GRID1: variants seen among roughly 807,000 people sequenced by gnomAD.
GRID1 encodes glutamate receptor ionotropic, delta-1.
In GRID1, 28 loss-of-function variants were observed where a neutral mutation model predicts 98.0. That is an observed-to-expected ratio of 0.29 (90% CI 0.21 to 0.39). The LOEUF (loss-of-function observed/expected upper bound fraction) is 0.39. GRID1 is among the 10% of genes least tolerant of loss of function. The pLI, the probability that GRID1 is intolerant of heterozygous loss-of-function variation, is 1.00. For missense variants in GRID1, 1,111 were observed against 1,340.5 expected (o/e 0.83, Z 2.67); for synonymous variants, 553 against 538.5 (o/e 1.03, Z -0.37).
chr10:85,828,846 T>G (rs1842842877), intron 8 of GRID1, among the ~76,000 whole-genome samples: 1 of 152,034 alleles, frequency 6.6e-6, no homozygotes, highest in Admixed American at 6.6e-5. Flanking sequence ...AGCCCAGGAC[T>G]AGATGGATTA....
chr10:85,860,928 TG>T (rs1843158381), intron 6 of GRID1, among the ~76,000 whole-genome samples: 3 of 152,194 alleles, frequency 2.0e-5, no homozygotes, highest in Non-Finnish European at 2.9e-5. Context: ...TACCCACCTG[TG>T]GAATGCAGAT....
intron 13 of GRID1, 63 bp downstream of exon 13, chr10:85,647,139 T>C (rs1843204519): frequency 7.4e-7 from 1 of 1,353,980 alleles, no homozygotes; most frequent in Non-Finnish European, 1.1e-6. Flanking sequence ...GTCTCCCACC[T>C]GGGGGCTGAC....
intron 4 of GRID1, among the ~76,000 whole-genome samples, chr10:86,023,550 C>G (rs1245461210): frequency 6.6e-6 from 1 of 152,152 alleles, no homozygotes; most frequent in Non-Finnish European, 1.5e-5. Flanking sequence ...CCTGTCCAGA[C>G]CCCTCTCTTG....
intron 2 of GRID1, among the ~76,000 whole-genome samples, chr10:86,273,483 T>G (rs1175399830): frequency 6.0e-5 from 9 of 150,198 alleles, no homozygotes; most frequent in South Asian, 2.1e-4. Context: ...CTGAGGAATC[T>G]CCACACTGAC....
In GRID1 at chr10:86,365,990, C is replaced by G. The variant is rs1029500859; in HGVS notation, c.79+324G>C. Among the ~76,000 whole-genome samples the G allele has an allele frequency of 6.6e-6, 1 of 152,126 alleles. No homozygotes were observed. Among genetic ancestry groups the G allele is most frequent in the Non-Finnish European group, 1.5e-5 (1 of 67,994 alleles). The stretch of plus-strand genomic sequence containing the variant: ...GCTGCTCTGAGCTGCGCAGAAGGGC[C>G]CTCCCGACCCGCCGACGGCCCCGCT... On this transcript the variant is annotated intron_variant, in intron 1 of 15. Coordinates refer to ENST00000327946, the MANE Select transcript of GRID1 (RefSeq NM_017551.3). The surrounding 1 kb of genome is among the most constrained non-coding windows in gnomAD (Gnocchi z 4.8).
At position 85,834,509 on chromosome 10, in the gene GRID1, G is replaced by GAAGT. The variant is rs143680554; in HGVS notation, c.1233+19983_1233+19986dup. 5.7e-3 allele frequency among the ~76,000 whole-genome samples: 870 copies of GAAGT among 152,238 alleles called. 8 individuals are homozygous for GAAGT. Among genetic ancestry groups the GAAGT allele is most frequent in the African/African-American group, 0.02 (818 of 41,552 alleles). On this transcript the variant is annotated intron_variant, in intron 8 of 15. Coordinates refer to ENST00000327946, the MANE Select transcript of GRID1 (RefSeq NM_017551.3). ...AATAAAAGCATTATTGGAGCTTTAG[G>GAAGT]AAGTAAAAACAACAGAAATATGAGT...
chr10:85,664,277 A>G (rs1840996091), intron 12 of GRID1, among the ~76,000 whole-genome samples: 1 of 152,142 alleles, frequency 6.6e-6, no homozygotes, highest in Admixed American at 6.5e-5. Flanking sequence ...AAACCCATGA[A>G]GGGCAAGTAT....
intron 4 of GRID1, among the ~76,000 whole-genome samples, chr10:86,082,970 G>A (rs1175987679): frequency 2.0e-5 from 3 of 152,170 alleles, no homozygotes; most frequent in Admixed American, 6.5e-5. Flanking sequence ...GGAATTGTCT[G>A]CCTTTTCACT....
intron 2 of GRID1, among the ~76,000 whole-genome samples, chr10:86,224,140 C>T (rs545687693): frequency 8.5e-5 from 13 of 152,334 alleles, no homozygotes; most frequent in African/African-American, 2.2e-4. Flanking sequence ...CTTGAACTCC[C>T]GGAATCCCCA....
At chr10:85,964,507 C>A (rs1391066896) in intron 4 of GRID1, among the ~76,000 whole-genome samples, 2 of 152,196 alleles carry the variant, frequency 1.3e-5, no homozygotes, top group African/African-American at 4.8e-5. Flanking sequence ...ACCATCTAAT[C>A]TTTGACAAAC....
At chr10:86,046,394 C>T (rs918067335) in intron 4 of GRID1, among the ~76,000 whole-genome samples, 1 of 152,152 alleles carries the variant, frequency 6.6e-6, no homozygotes, top group Non-Finnish European at 1.5e-5. Context: ...TCTACCCTAC[C>T]ACCAGCTCGC....
intron 2 of GRID1, among the ~76,000 whole-genome samples, chr10:86,213,532 T>A (rs1846134107): frequency 6.6e-6 from 1 of 152,062 alleles, no homozygotes; most frequent in Admixed American, 6.5e-5. Context: ...AGAGAAAAGT[T>A]TCTCCTAAGG....
At chr10:85,686,128 G>A (rs922028761) in intron 12 of GRID1, among the ~76,000 whole-genome samples, 1 of 152,108 alleles carries the variant, frequency 6.6e-6, no homozygotes. Flanking sequence ...AAAGATAAGT[G>A]TGACAAGCAC....
At chr10:86,182,155 T>C (rs1325593781) in intron 3 of GRID1, among the ~76,000 whole-genome samples, 2 of 152,122 alleles carry the variant, frequency 1.3e-5, no homozygotes, top group Non-Finnish European at 2.9e-5. Flanking sequence ...GACTATGGGG[T>C]GAGACCATGG....
At chr10:85,935,532 G>A (rs55742347) in intron 4 of GRID1, among the ~76,000 whole-genome samples, 17 of 152,248 alleles carry the variant, frequency 1.1e-4, no homozygotes, top group Admixed American at 2.6e-4. Context: ...AGCTGCTTTC[G>A]AGTGAATAAC....
intron 2 of GRID1, among the ~76,000 whole-genome samples, chr10:86,266,990 G>A (rs1179938591): frequency 6.6e-6 from 1 of 152,142 alleles, no homozygotes; most frequent in Non-Finnish European, 1.5e-5. Context: ...ATTTAGTGAG[G>A]CTCTCTGTGT....
At chr10:85,764,852 C>G (rs1437407423) in intron 8 of GRID1, among the ~76,000 whole-genome samples, 1 of 152,106 alleles carries the variant, frequency 6.6e-6, no homozygotes, top group East Asian at 1.9e-4. Context: ...AAATTGAAAA[C>G]AAAACTCAGG....
chr10:85,959,789 T>A (rs532521548), intron 4 of GRID1, among the ~76,000 whole-genome samples: 1 of 152,216 alleles, frequency 6.6e-6, no homozygotes, highest in Non-Finnish European at 1.5e-5. Flanking sequence ...CAATGAACAT[T>A]TGCATCATTT....
At chr10:85,602,774 T>C in intron 15 of GRID1, 73 bp from the exon 16 acceptor site, 1 of 1,130,634 alleles carries the variant, frequency 8.8e-7, no homozygotes, top group Non-Finnish European at 1.3e-6. Flanking sequence ...CAGCTCTGGA[T>C]GTCTGTAGTC....
Sources: gnomAD v4.1 joint callset for allele counts (sites outside exome capture counted in the v4.1 genomes callset) on GRCh38, gnomAD v4.1.1 for gene constraint, Gnocchi (gnomAD v3.1) non-coding constraint, MANE v1.5 for transcripts, NCBI Gene and HGNC (gene_info 2026-07-23, HGNC 2026-07-21) for gene names.